The following SDHAF2 variants were observed in gnomAD, a reference collection of about 807,000 sequenced individuals.
SDHAF2 encodes the protein succinate dehydrogenase assembly factor 2, mitochondrial.
Under a neutral mutation model 18.5 loss-of-function variants are expected in SDHAF2, and 21 were observed. That is an observed-to-expected ratio of 1.13 (90% CI 0.80 to 1.63). SDHAF2 has a LOEUF of 1.63. Among genes scored for constraint, SDHAF2 ranks in the 40% most tolerant of loss-of-function variants. SDHAF2 has a pLI of 0.00. For synonymous variants in SDHAF2, 84 were observed against 70.7 expected (o/e 1.19, Z -0.94); for missense variants, 195 against 200.3 (o/e 0.97, Z 0.16).
At chr11:61,433,947 C>T (rs1162755396) in intron 1 of SDHAF2, 1 of 152,284 alleles carries the variant, frequency 6.6e-6, no homozygotes, top group Non-Finnish European at 1.5e-5. Context: ...GACATAGGAT[C>T]TTGCTTTGTT....
intron 1 of SDHAF2, chr11:61,435,310 C>G (rs1590763681): frequency 1.3e-5 from 2 of 152,300 alleles, no homozygotes; most frequent in East Asian, 3.9e-4. Context: ...TTCAAGTTCT[C>G]AATGTTCCAA....
At chr11:61,445,685 T>C (rs1038026446) in intron 3 of SDHAF2, among the ~76,000 whole-genome samples, 1 of 152,216 alleles carries the variant, frequency 6.6e-6, no homozygotes, top group African/African-American at 2.4e-5. Context: ...CCAATTCTGC[T>C]GTCATAACAC....
At chr11:61,438,404 G>C (rs1352319078) in intron 3 of SDHAF2, 1 of 515,320 alleles carries the variant, frequency 1.9e-6, no homozygotes, top group African/African-American at 1.9e-5. Context: ...TCTCTGTGTT[G>C]GTCAGGCTAG....
intron 1 of SDHAF2, chr11:61,435,638 C>T (rs1282661719): frequency 6.6e-6 from 1 of 152,084 alleles, no homozygotes; most frequent in Non-Finnish European, 1.5e-5. Flanking sequence ...AGGGATTTGC[C>T]GGTTTCCTTT....
At chr11:61,430,496 C>T in intron 1 of SDHAF2, 2 of 501,434 alleles carry the variant, frequency 4.0e-6, no homozygotes, top group Admixed American at 3.7e-5. Flanking sequence ...GTTCTTTAGT[C>T]TTTAATGCTT....
chr11:61,437,132 T>C (rs1210585534), intron 1 of SDHAF2, among the ~76,000 whole-genome samples: 2 of 152,188 alleles, frequency 1.3e-5, no homozygotes, highest in African/African-American at 4.8e-5. Context: ...TTTGGGTGAG[T>C]TATTGAACCT....
chr11:61,435,344 G>A (rs1861980252), intron 1 of SDHAF2: 1 of 152,078 alleles, frequency 6.6e-6, no homozygotes, highest in Non-Finnish European at 1.5e-5. Flanking sequence ...TCTTTATTAT[G>A]GCTAGTTTGA....
At chr11:61,430,703 A>G (rs1393065054) in intron 1 of SDHAF2, 1 of 167,616 alleles carries the variant, frequency 6.0e-6, no homozygotes, top group Non-Finnish European at 1.3e-5. Context: ...TTTTTCTAGC[A>G]TCTTGACATA....
chr11:61,432,477 A>AG (rs1861945347), intron 1 of SDHAF2: 1 of 152,154 alleles, frequency 6.6e-6, no homozygotes, highest in Non-Finnish European at 1.5e-5. Context: ...TTGTTATACT[A>AG]TATCTTAGTT....
rs1319922368 is a variant in SDHAF2, at chr11:61,446,223, G to GACAT, written c.*157_*160dup. The GACAT allele has an allele frequency of 2.5e-6, 2 of 806,790 alleles. No homozygotes were observed. The highest frequency in any genetic ancestry group is 1.4e-5 in the South Asian group (1 of 72,716). The allele number at this position is 806,790 out of a possible 1,614,324, so 50.0% of individuals were successfully genotyped here. A position where few individuals can be genotyped will look rare whatever the true frequency, so the allele number is the denominator to read the frequency against. ...AGTGATGGACATAACCCTCTCCTAGGACATACATGTAAATGCACAATGTGA... is the reference window on the plus strand; with the variant it reads ...AGTGATGGACATAACCCTCTCCTAGGACATACATACATGTAAATGCACAATGTGA... On this transcript the variant is annotated 3_prime_UTR_variant, in exon 4 of 4. Coordinates refer to ENST00000301761, the MANE Select transcript of SDHAF2 (RefSeq NM_017841.4).
intron 1 of SDHAF2, chr11:61,432,353 C>A (rs1389498871): frequency 1.3e-5 from 2 of 152,210 alleles, no homozygotes; most frequent in African/African-American, 4.8e-5. Flanking sequence ...AGCTCAGTCT[C>A]TTATATAAAA....
rs2134902264 is a variant in SDHAF2 at position 61,446,095 on chromosome 11, G to A, written c.*24G>A. On this transcript the variant is annotated 3_prime_UTR_variant, in exon 4 of 4. Transcript: ENST00000301761. ...GAGCTGTGCTCCACGGCCTGGCATG[G>A]GGGTTCAGTCTGTGGATGGTAACTA... 1 of 1,614,030 alleles carries A rather than the reference G, an allele frequency of 6.2e-7. No homozygotes were observed.
Position 61,446,098 on chromosome 11 carries a change from G to C in SDHAF2, c.*27G>C. 1 of 1,613,868 alleles carries C rather than the reference G, an allele frequency of 6.2e-7. No homozygotes were observed. The highest frequency in any genetic ancestry group is 8.5e-7 in the Non-Finnish European group (1 of 1,179,876). Reference sequence around the variant, plus strand: ...CTGTGCTCCACGGCCTGGCATGGGGGTTCAGTCTGTGGATGGTAACTACTT... The same window carrying C: ...CTGTGCTCCACGGCCTGGCATGGGGCTTCAGTCTGTGGATGGTAACTACTT... On this transcript the variant is annotated 3_prime_UTR_variant, in exon 4 of 4. Transcript: ENST00000301761.
intron 1 of SDHAF2, chr11:61,430,550 A>G (rs1431754925): frequency 2.8e-6 from 1 of 357,556 alleles, no homozygotes; most frequent in Admixed American, 4.4e-5. Context: ...TTTGTTTATA[A>G]TTGACATATA....
At chr11:61,442,255 C>A (rs192291324) in intron 3 of SDHAF2, among the ~76,000 whole-genome samples, 1 of 152,238 alleles carries the variant, frequency 6.6e-6, no homozygotes, top group Non-Finnish European at 1.5e-5. Context: ...AATGTTTTTT[C>A]TTCTGTTAAA....
In SDHAF2 at chr11:61,438,184, C is replaced by G. The variant is rs748994475; in HGVS notation, c.370+71C>G. 4 of 1,174,500 alleles carry G rather than the reference C, an allele frequency of 3.4e-6. No homozygotes were observed. In the Admixed American group the frequency reaches 7.7e-5, roughly 23 times the overall value. 72.8% of individuals were successfully genotyped at this position (1,174,500 alleles called of 1,614,324 possible). A position where few individuals can be genotyped will look rare whatever the true frequency, so the allele number is the denominator to read the frequency against. ...GGCTGATTTGAGTCTAGAATTGTATCCTAGATAATTTTTTTCTTTCTTTTT... is the reference window on the plus strand; with the variant it reads ...GGCTGATTTGAGTCTAGAATTGTATGCTAGATAATTTTTTTCTTTCTTTTT... On this transcript the variant is annotated intron_variant, in intron 3 of 3. Transcript: ENST00000301761.
At chr11:61,444,618 C>T (rs1386725820) in intron 3 of SDHAF2, among the ~76,000 whole-genome samples, 3 of 152,108 alleles carry the variant, frequency 2.0e-5, no homozygotes, top group Non-Finnish European at 2.9e-5. Context: ...TGGCGGGCGC[C>T]TGTGGTGCCA....
At position 61,436,791 on chromosome 11, in the gene SDHAF2, G is replaced by T. The variant is rs1390757879; in HGVS notation, c.37-834G>T. The stretch of plus-strand genomic sequence containing the variant: ...TGGTTTGTTTGTTGCTGTTGGCTCA[G>T]TGTCTCCATCGGGGAAGGAGGATCT... On this transcript the variant is annotated intron_variant, in intron 1 of 3. Transcript: ENST00000301761. The T allele has an allele frequency of 7.5e-6, 7 of 930,440 alleles. No individual in the cohort carries two copies. In the South Asian group the frequency reaches 9.5e-5, roughly 13 times the overall value. 57.6% of individuals were successfully genotyped at this position (930,440 alleles called of 1,614,324 possible).
intron 3 of SDHAF2, among the ~76,000 whole-genome samples, chr11:61,440,251 G>A (rs925028846): frequency 3.3e-5 from 5 of 152,170 alleles, no homozygotes; most frequent in Admixed American, 6.5e-5. Flanking sequence ...GTTGCAGTGA[G>A]CCAAGATCAC....
Sources: allele counts gnomAD v4.1 joint callset (sites outside exome capture counted in the v4.1 genomes callset), GRCh38; gene constraint gnomAD v4.1.1; transcripts MANE v1.5; gene names NCBI Gene and HGNC (gene_info 2026-07-23, HGNC 2026-07-21).